SIPA1L3: variants seen among roughly 807,000 people sequenced by gnomAD.
SIPA1L3 encodes signal-induced proliferation-associated 1-like protein 3.
Under a neutral mutation model 150.1 loss-of-function variants are expected in SIPA1L3, and 59 were observed. The ratio of observed to expected loss-of-function variants is 0.39; its 90% confidence interval spans 0.32 to 0.49. SIPA1L3 has a LOEUF of 0.49. SIPA1L3 is among the 20% of genes least tolerant of loss of function. SIPA1L3 has a pLI of 0.86. For synonymous variants in SIPA1L3, 1,070 were observed against 1,077.6 expected (o/e 0.99, Z 0.14); for missense variants, 2,211 against 2,489.5 (o/e 0.89, Z 2.38).
intron 1 of SIPA1L3, among the ~76,000 whole-genome samples, chr19:38,017,148 C>T (rs62121384): frequency 6.6e-6 from 1 of 150,934 alleles, no homozygotes; most frequent in Non-Finnish European, 1.5e-5. Context: ...CCACCTGCCT[C>T]GGCCTCCCAA....
At chr19:37,995,610 A>G (rs952155677) in intron 1 of SIPA1L3, among the ~76,000 whole-genome samples, 4 of 152,174 alleles carry the variant, frequency 2.6e-5, no homozygotes, top group Admixed American at 2.6e-4. Flanking sequence ...TCGAAAGGTT[A>G]GTAGGAGTTC....
At chr19:38,113,645 C>T (rs934445819) in intron 8 of SIPA1L3, among the ~76,000 whole-genome samples, 2 of 151,982 alleles carry the variant, frequency 1.3e-5, no homozygotes, top group South Asian at 2.1e-4. Flanking sequence ...ACAGACATCA[C>T]GTGGCTGTTG....
rs192266599 is a variant in SIPA1L3 at position 37,917,067 on chromosome 19, A to G, written c.-379+9709A>G. On this transcript the variant is annotated intron_variant, in intron 1 of 21. Coordinates refer to ENST00000222345, the MANE Select transcript of SIPA1L3 (RefSeq NM_015073.3). The stretch of plus-strand genomic sequence containing the variant: ...GAAGCAGGAAAGTAATTTTAATGAT[A>G]TATTTTATTTCATCTAAAACATCAT... Among the ~76,000 whole-genome samples, 43 of 152,350 alleles carry G rather than the reference A, an allele frequency of 2.8e-4. No homozygotes were observed. The East Asian group carries it at 7.5e-3, about 27-fold the overall frequency.
At position 38,046,122 on chromosome 19, in the gene SIPA1L3, T is replaced by C. The variant is rs1969051628; in HGVS notation, c.-311+16966T>C. The stretch of plus-strand genomic sequence containing the variant: ...TTTTTGCCGTCATCTGGCCACTCAG[T>C]CGGCGGGGTTGAGAGGAGCTTTCTA... On this transcript the variant is annotated intron_variant, in intron 2 of 21. Transcript: ENST00000222345. The surrounding 1 kb of genome is among the most constrained non-coding windows in gnomAD (Gnocchi z 5.6). Among the ~76,000 whole-genome samples the C allele has an allele frequency of 2.0e-5, 3 of 152,162 alleles. No homozygotes were observed. The South Asian group carries it at 6.2e-4, about 32-fold the overall frequency.
In SIPA1L3 at chr19:38,141,349, TC is replaced by T; in HGVS notation, c.3312del (p.Gly1105AlafsTer6). On this transcript the variant is annotated frameshift_variant, in exon 11 of 22. Transcript: ENST00000222345. LOFTEE classifies it high-confidence loss of function. ...CCTCCAAGTGGGCCACTCCAACCAC[TC>T]CCGGCCATGCCCAGTCCCTGAGCCG... Reference protein sequence around the residue: ...PASKWATPTTPGHAQSLSRPL... With the variant: ...PASKWATPTTXGHAQSLSRPL... The T allele has an allele frequency of 6.2e-7, 1 of 1,613,476 alleles. No individual in the cohort carries two copies. The highest frequency in any genetic ancestry group is 1.1e-5 in the South Asian group (1 of 91,052).
chr19:38,189,333 A>G (rs1391791062), intron 16 of SIPA1L3, among the ~76,000 whole-genome samples: 1 of 151,968 alleles, frequency 6.6e-6, no homozygotes, highest in African/African-American at 2.4e-5. Context: ...TGTGTTACCC[A>G]GGCTGGTCTC....
At chr19:38,176,379 T>C (rs971627237) in intron 15 of SIPA1L3, among the ~76,000 whole-genome samples, 7 of 152,002 alleles carry the variant, frequency 4.6e-5, no homozygotes, top group Admixed American at 3.9e-4. Context: ...GTTGGTTTTT[T>C]TTTTGTTTTT....
rs755776938 is a variant in SIPA1L3, at chr19:38,164,904, C to CACT, written c.4207_4208insCTA (p.Pro1402_Ser1403insThr). 9 of 1,534,620 alleles carry CACT rather than the reference C, an allele frequency of 5.9e-6. 1 individual carries two copies. In the South Asian group the frequency reaches 1.1e-4, roughly 19 times the overall value. On this transcript the variant is annotated inframe_insertion and splice_region_variant, in exon 15 of 22. Transcript: ENST00000222345. The surrounding 1 kb of genome is among the most constrained non-coding windows in gnomAD (Gnocchi z 4.1). ...GCAGCCGAGACCCACCGAGGCAGCC[C>CACT]AGGTAAGCTGTTGCACCTAGTCTGG...
chr19:38,100,188 A>G (rs1363407578), intron 5 of SIPA1L3, 38 bp downstream of exon 5: 1 of 1,451,724 alleles, frequency 6.9e-7, no homozygotes, highest in African/African-American at 1.5e-5. Context: ...CTGCTGGGGC[A>G]GTACCTTGCA....
chr19:38,126,115 A>C (rs953569897), intron 9 of SIPA1L3, among the ~76,000 whole-genome samples: 4 of 152,260 alleles, frequency 2.6e-5, no homozygotes, highest in African/African-American at 9.6e-5. Context: ...CGGAGGTTGC[A>C]GTGAGCCGAG....
At chr19:38,202,323 C>G (rs1437922053) in intron 20 of SIPA1L3, among the ~76,000 whole-genome samples, 1 of 152,180 alleles carries the variant, frequency 6.6e-6, no homozygotes, top group South Asian at 2.1e-4. Flanking sequence ...CGCGGTGGCT[C>G]ACGCCTGTAA....
intron 1 of SIPA1L3, among the ~76,000 whole-genome samples, chr19:37,999,705 G>T (rs1287915939): frequency 6.6e-6 from 1 of 152,226 alleles, no homozygotes; most frequent in African/African-American, 2.4e-5. Flanking sequence ...GTGTGCGTGT[G>T]GTCAGCTGTA....
At chr19:37,998,883 AAT>A (rs1967708289) in intron 1 of SIPA1L3, among the ~76,000 whole-genome samples, 3 of 152,088 alleles carry the variant, frequency 2.0e-5, no homozygotes, top group African/African-American at 7.2e-5. Context: ...GAATCTTGAC[AAT>A]TTTTGAATCT....
At chr19:38,148,405 C>T (rs926897730) in intron 12 of SIPA1L3, among the ~76,000 whole-genome samples, 3 of 151,670 alleles carry the variant, frequency 2.0e-5, no homozygotes, top group African/African-American at 7.3e-5. Flanking sequence ...ACCCCTCAAC[C>T]CCTGGCAAGG....
chr19:38,024,984 G>A (rs977005870), intron 1 of SIPA1L3, among the ~76,000 whole-genome samples: 4 of 152,124 alleles, frequency 2.6e-5, no homozygotes, highest in African/African-American at 9.7e-5. Flanking sequence ...TTTATTTCCA[G>A]ACTCTGCCTT....
rs774233387 is a variant in SIPA1L3 at position 38,082,784 on chromosome 19, T to C, written c.1219T>C (p.Cys407Arg). ...CTTCACCAGCACAGAGGACCTAAAC[T>C]GCAAGGAGAACTTGGAGCAGGACCT... is the stretch of plus-strand genomic sequence containing the variant. ...PAFTSTEDLN[C>R]KENLEQDLGD... The change falls in exon 3 of 22, where the codon TGC becomes CGC. Residue 407 changes from cysteine to arginine, a missense_variant. Coordinates refer to ENST00000222345, the MANE Select transcript of SIPA1L3 (RefSeq NM_015073.3). 6 of 1,613,136 alleles carry C rather than the reference T, an allele frequency of 3.7e-6. No individual in the cohort carries two copies. The highest frequency in any genetic ancestry group is 5.1e-6 in the Non-Finnish European group (6 of 1,179,858).
At chr19:37,983,464 A>C (rs963780340) in intron 1 of SIPA1L3, among the ~76,000 whole-genome samples, 1 of 152,186 alleles carries the variant, frequency 6.6e-6, no homozygotes, top group Non-Finnish European at 1.5e-5. Context: ...CTGGCTTAAG[A>C]GTTAGCAGCT....
rs148907597 is a variant in SIPA1L3 at position 38,164,648 on chromosome 19, C to T, written c.3950C>T (p.Thr1317Ile). The T allele has an allele frequency of 3.9e-5, 63 of 1,614,088 alleles. No individual in the cohort carries two copies. The highest frequency in any genetic ancestry group is 5.0e-5 in the Non-Finnish European group (59 of 1,180,044). Residue 1317 changes from threonine to isoleucine, a missense_variant, in exon 15 of 22, where the codon ACC becomes ATC. Transcript: ENST00000222345. This position sits in a 1 kb window ranked among gnomAD's most constrained non-coding sequence, Gnocchi z 4.1. ...AGCGGCATCGACACCACCCTCTACACCTCCAGCCCTAGCTGCATGTCCCTG... is the reference window on the plus strand; with the variant it reads ...AGCGGCATCGACACCACCCTCTACATCTCCAGCCCTAGCTGCATGTCCCTG... Reference protein sequence around the residue: ...SDSGIDTTLYTSSPSCMSLAK... With the variant: ...SDSGIDTTLYISSPSCMSLAK...
At chr19:37,934,306 G>C (rs1293222806) in intron 1 of SIPA1L3, among the ~76,000 whole-genome samples, 1 of 152,166 alleles carries the variant, frequency 6.6e-6, no homozygotes, top group East Asian at 1.9e-4. Flanking sequence ...AGGACCTGCT[G>C]CTATTTTAAG....
Sources: allele counts gnomAD v4.1 joint callset (sites outside exome capture counted in the v4.1 genomes callset), GRCh38; gene constraint gnomAD v4.1.1; non-coding constraint Gnocchi (gnomAD v3.1); transcripts MANE v1.5; gene names NCBI Gene and HGNC (gene_info 2026-07-23, HGNC 2026-07-21).